The following GALNTL6 variants were observed in gnomAD, a reference collection of about 807,000 sequenced individuals.
The protein encoded by GALNTL6 is polypeptide N-acetylgalactosaminyltransferase-like 6.
GALNTL6 carries 46 observed loss-of-function variants against 73.7 expected under a neutral mutation model. That is an observed-to-expected ratio of 0.62 (90% confidence interval 0.49 to 0.80). The LOEUF is 0.80. GALNTL6 is among the 30% of genes least tolerant of loss of function. GALNTL6 has a pLI of 0.00. For missense variants in GALNTL6, 604 were observed against 755.0 expected (o/e 0.80, Z 2.34); for synonymous variants, 259 against 263.7 (o/e 0.98, Z 0.17).
chr4:172,637,965 C>G (rs1312682121), intron 5 of GALNTL6, among the ~76,000 whole-genome samples: 1 of 152,128 alleles, frequency 6.6e-6, no homozygotes, highest in Non-Finnish European at 1.5e-5. Context: ...TTGTGTCCTT[C>G]AGGAACCATC....
chr4:172,558,147 G>A (rs1736213416), intron 5 of GALNTL6, among the ~76,000 whole-genome samples: 1 of 152,096 alleles, frequency 6.6e-6, no homozygotes, highest in African/African-American at 2.4e-5. Context: ...TTTATGTGAA[G>A]GTCCAGAACA....
intron 2 of GALNTL6, among the ~76,000 whole-genome samples, chr4:171,819,271 G>A (rs1734621224): frequency 1.3e-5 from 2 of 152,068 alleles, no homozygotes; most frequent in African/African-American, 2.4e-5. Flanking sequence ...CTACAGGGTG[G>A]CACCACACGG....
intron 2 of GALNTL6, among the ~76,000 whole-genome samples, chr4:172,173,389 A>C (rs762516705): frequency 6.6e-6 from 1 of 152,210 alleles, no homozygotes; most frequent in Non-Finnish European, 1.5e-5. Context: ...GTGAATTTGC[A>C]TGAGGCTGTG....
chr4:172,448,832 T>C (rs1732115033), intron 5 of GALNTL6, among the ~76,000 whole-genome samples: 1 of 152,172 alleles, frequency 6.6e-6, no homozygotes. Flanking sequence ...CTTGATTACC[T>C]CACCAGGGGC....
intron 5 of GALNTL6, among the ~76,000 whole-genome samples, chr4:172,647,797 C>G (rs899054162): frequency 1.3e-5 from 2 of 151,950 alleles, no homozygotes; most frequent in African/African-American, 2.4e-5. Flanking sequence ...TTCATGATTG[C>G]CAAAGGAGGT....
chr4:172,648,484 T>C (rs769823820), intron 5 of GALNTL6, among the ~76,000 whole-genome samples: 34 of 152,300 alleles, frequency 2.2e-4, no homozygotes, highest in Admixed American at 3.9e-4. Flanking sequence ...TTTATGAATA[T>C]GAATTATTAG....
At chr4:172,640,994 A>T (rs4695770) in intron 5 of GALNTL6, among the ~76,000 whole-genome samples, 1 of 151,830 alleles carries the variant, frequency 6.6e-6, no homozygotes. Context: ...CCATTTTACC[A>T]TCCTTTCGTG....
At chr4:172,279,124 A>G (rs1273967254) in intron 3 of GALNTL6, among the ~76,000 whole-genome samples, 2 of 152,172 alleles carry the variant, frequency 1.3e-5, no homozygotes, top group African/African-American at 4.8e-5. Context: ...TTAGAAAACA[A>G]CATAGGAGAA....
At chr4:172,645,180 A>G (rs915344654) in intron 5 of GALNTL6, among the ~76,000 whole-genome samples, 3 of 152,014 alleles carry the variant, frequency 2.0e-5, no homozygotes, top group Non-Finnish European at 4.4e-5. Flanking sequence ...CTTCTGATAA[A>G]TAGAAGATAA....
chr4:172,016,954 C>T (rs1357398129), intron 2 of GALNTL6, among the ~76,000 whole-genome samples: 1 of 152,090 alleles, frequency 6.6e-6, no homozygotes, highest in Admixed American at 6.6e-5. Flanking sequence ...ATTGGAATGA[C>T]AGTAATCTCT....
At chr4:172,276,655 T>C (rs1006402873) in intron 3 of GALNTL6, among the ~76,000 whole-genome samples, 24 of 152,126 alleles carry the variant, frequency 1.6e-4, no homozygotes, top group Non-Finnish European at 3.4e-4. Flanking sequence ...CTTTAACTTT[T>C]TTTTTTCAAT....
chr4:173,002,066 G>A (rs1752067271), intron 10 of GALNTL6, among the ~76,000 whole-genome samples: 1 of 152,224 alleles, frequency 6.6e-6, no homozygotes, highest in Admixed American at 6.5e-5. Context: ...TTACATGCCA[G>A]TGTTCACAGA....
At chr4:172,966,009 TAGAA>T (rs1324034294) in intron 10 of GALNTL6, among the ~76,000 whole-genome samples, 2 of 152,206 alleles carry the variant, frequency 1.3e-5, no homozygotes, top group African/African-American at 4.8e-5. Context: ...AGAATTTAAA[TAGAA>T]TGAATAAAAT....
At chr4:171,970,970 C>T (rs13124348) in intron 2 of GALNTL6, among the ~76,000 whole-genome samples, 77,564 of 151,914 alleles carry the variant, frequency 0.51, 20,468 homozygotes, top group Admixed American at 0.61. Flanking sequence ...GACTTTATAC[C>T]TCCATTTCAC....
intron 7 of GALNTL6, among the ~76,000 whole-genome samples, chr4:172,835,651 C>T (rs1742871068): frequency 6.6e-6 from 1 of 151,972 alleles, no homozygotes; most frequent in Admixed American, 6.6e-5. Context: ...CAGGGTGTAC[C>T]ATCCGGAATA....
chr4:172,441,211 C>T (rs1036351304), intron 5 of GALNTL6, among the ~76,000 whole-genome samples: 1 of 152,048 alleles, frequency 6.6e-6, no homozygotes, highest in Admixed American at 6.6e-5. Context: ...TTCAATACTA[C>T]CTTTACCATA....
chr4:172,919,278 C>A (rs1747677510), intron 8 of GALNTL6, among the ~76,000 whole-genome samples: 1 of 152,172 alleles, frequency 6.6e-6, no homozygotes, highest in African/African-American at 2.4e-5. Context: ...GGCCTGAGGG[C>A]CTCAAGTGCT....
At position 171,904,141 on chromosome 4, in the gene GALNTL6, G is replaced by C. The variant is rs182367346; in HGVS notation, c.138+89423G>C. On this transcript the variant is annotated intron_variant, in intron 2 of 12. Transcript: ENST00000506823. ...CACCAGCAACAGAACAAAGCTGGAC[G>C]GAGAATGACTTTGACGAGCTGAGAG... 6.9e-3 allele frequency among the ~76,000 whole-genome samples: 1,054 copies of C among 152,312 alleles called. 15 individuals are homozygous for C. The highest frequency in any genetic ancestry group is 0.024 in the African/African-American group (990 of 41,574).
intron 10 of GALNTL6, among the ~76,000 whole-genome samples, chr4:172,989,896 C>T (rs532469361): frequency 3.3e-5 from 5 of 152,188 alleles, no homozygotes; most frequent in Admixed American, 1.3e-4. Flanking sequence ...GGAGGTTTCT[C>T]CATAAGGAAT....
Sources: allele counts gnomAD v4.1 joint callset (sites outside exome capture counted in the v4.1 genomes callset), GRCh38; gene constraint gnomAD v4.1.1; transcripts MANE v1.5; gene names NCBI Gene and HGNC (gene_info 2026-07-23, HGNC 2026-07-21).